CNTNAP3B: variants seen among roughly 807,000 people sequenced by gnomAD.
CNTNAP3B encodes the protein contactin-associated protein-like 3B.
In CNTNAP3B, 25 loss-of-function variants were observed where a neutral mutation model predicts 108.9. The ratio of observed to expected loss-of-function variants is 0.23; its 90% CI spans 0.17 to 0.32. The LOEUF (loss-of-function observed/expected upper bound fraction) is 0.32, where lower values mean the gene tolerates loss of function less well. Among genes scored for constraint, CNTNAP3B ranks in the 10% least tolerant of loss-of-function variants. The probability of loss-of-function intolerance (pLI) is 1.00; values close to 1 mark genes in which losing one functional copy is unlikely to be tolerated. For missense variants in CNTNAP3B, 252 were observed against 1,210.4 expected (o/e 0.21, Z 11.75); for synonymous variants, 103 against 473.4 (o/e 0.22, Z 10.16).
intron 13 of CNTNAP3B, among the ~76,000 whole-genome samples, chr9:41,941,307 G>C (rs1291370072): frequency 6.9e-6 from 1 of 145,288 alleles, no homozygotes; most frequent in Non-Finnish European, 1.5e-5. Flanking sequence ...AAATTTATAA[G>C]AAACTCACTT....
At position 41,994,526 on chromosome 9, in the gene CNTNAP3B, G is replaced by A. The variant is rs1436056527; in HGVS notation, c.1071+1679C>T. 3 of 132,126 alleles carry A rather than the reference G, an allele frequency of 2.3e-5. 1 individual carries two copies. Among genetic ancestry groups the A allele is most frequent in the Non-Finnish European group, 4.2e-5 (3 of 72,240 alleles). The allele number at this position is 132,126 out of a possible 1,614,324, so 8.2% of individuals were successfully genotyped here. A position where few individuals can be genotyped will look rare whatever the true frequency, so the allele number is the denominator to read the frequency against. ...CCTTGTTATCACTCTTCCCTTTGGT[G>A]TTTCCTTTTTCATGTATCTTGATGG... On this transcript the variant is annotated intron_variant, in intron 7 of 23. Transcript: ENST00000377561.
At position 42,116,683 on chromosome 9, in the gene CNTNAP3B, T is replaced by G. The variant is rs532482459; in HGVS notation, c.86-11944A>C. Among the ~76,000 whole-genome samples the G allele has an allele frequency of 1.2e-4, 17 of 139,830 alleles. 3 individuals carry two copies. The highest frequency in any genetic ancestry group is 2.5e-4 in the Non-Finnish European group (16 of 65,112). 91.7% of individuals were successfully genotyped at this position (139,830 alleles called of 152,430 possible). On this transcript the variant is annotated intron_variant, in intron 1 of 23. Transcript: ENST00000377561. ...AATTCACACATAACAATATTAACCT[T>G]AAATGTAAATAGGCTAAATCCTCCA...
chr9:41,956,433 G>A (rs1286765826), intron 12 of CNTNAP3B, among the ~76,000 whole-genome samples: 3 of 152,264 alleles, frequency 2.0e-5, no homozygotes, highest in African/African-American at 4.8e-5. Context: ...ACTTGAAATA[G>A]GGATGCATAT....
At chr9:42,099,443 C>G (rs1564195454) in intron 2 of CNTNAP3B, among the ~76,000 whole-genome samples, 2 of 135,006 alleles carry the variant, frequency 1.5e-5, no homozygotes, top group Non-Finnish European at 3.1e-5. Flanking sequence ...ACATAAGACA[C>G]TTCTTCGGTT....
chr9:42,058,188 T>C (rs776410226), intron 3 of CNTNAP3B, among the ~76,000 whole-genome samples: 25,280 of 132,382 alleles, frequency 0.19, 340 homozygotes, highest in Middle Eastern at 0.25. Flanking sequence ...TGTACAGATA[T>C]CTAAAAGACA....
chr9:41,944,611 A>G (rs1269834243), intron 13 of CNTNAP3B, among the ~76,000 whole-genome samples: 1 of 152,056 alleles, frequency 6.6e-6, no homozygotes, highest in Non-Finnish European at 1.5e-5. Context: ...AAAATGTGAG[A>G]GGGGAATTCA....
At chr9:42,077,448 A>T (rs1564190485) in intron 2 of CNTNAP3B, among the ~76,000 whole-genome samples, 1 of 137,332 alleles carries the variant, frequency 7.3e-6, no homozygotes, top group South Asian at 2.4e-4. Context: ...AAAGAAAGAC[A>T]GTTAATATAT....
intron 1 of CNTNAP3B, among the ~76,000 whole-genome samples, chr9:42,107,553 G>C (rs1299030068): frequency 8.1e-6 from 1 of 123,742 alleles, no homozygotes; most frequent in Admixed American, 8.3e-5. Context: ...AAGACAGCTG[G>C]AAACAAAATT....
At chr9:41,930,062 G>T (rs1823931913) in intron 14 of CNTNAP3B, among the ~76,000 whole-genome samples, 1 of 152,290 alleles carries the variant, frequency 6.6e-6, no homozygotes, top group African/African-American at 2.4e-5. Context: ...TCATTTTGCA[G>T]AATATTAATT....
At chr9:42,017,091 A>G (rs1371965605) in intron 3 of CNTNAP3B, among the ~76,000 whole-genome samples, 1 of 146,728 alleles carries the variant, frequency 6.8e-6, no homozygotes, top group Non-Finnish European at 1.5e-5. Context: ...CCTTAGGTAT[A>G]CATGAAAGTG....
chr9:42,107,967 T>C (rs1828114526), intron 1 of CNTNAP3B, among the ~76,000 whole-genome samples: 2 of 94,192 alleles, frequency 2.1e-5, no homozygotes, highest in African/African-American at 4.3e-5. Context: ...AGAGAAAGAC[T>C]CCGTCTTAAA....
chr9:41,932,245 T>C (rs1823998995), intron 14 of CNTNAP3B, among the ~76,000 whole-genome samples: 1 of 152,082 alleles, frequency 6.6e-6, no homozygotes, highest in African/African-American at 2.4e-5. Flanking sequence ...CTTTCATAGG[T>C]ACCATAATCT....
At chr9:42,055,034 T>A (rs1246935704) in intron 3 of CNTNAP3B, among the ~76,000 whole-genome samples, 2 of 141,504 alleles carry the variant, frequency 1.4e-5, no homozygotes, top group African/African-American at 5.5e-5. Flanking sequence ...AGGTTTTATA[T>A]CAGTATACTG....
intron 3 of CNTNAP3B, among the ~76,000 whole-genome samples, chr9:42,054,494 G>A (rs1265542491): frequency 1.3e-5 from 2 of 151,808 alleles, no homozygotes; most frequent in Non-Finnish European, 2.9e-5. Context: ...AATCGAAGGT[G>A]AGGAAGCTCA....
chr9:41,929,339 C>T lies in CNTNAP3B; in HGVS notation c.2343G>A (p.Gly781=), dbSNP rs777349643. The change falls in exon 15 of 24, where the codon GGG becomes GGA. Residue 781 remains glycine (G), a synonymous_variant. Transcript: ENST00000377561. The part of the protein sequence containing the change: ...QPHSEADYTL[G]PLLCRGDKSF... ...TACTATCTCCGCGGCAGAGCAGTGG[C>T]CCCAGTGTATAATCTGCTTCGGAAT... The T allele has an allele frequency of 4.9e-5, 76 of 1,543,280 alleles. 9 individuals carry two copies. The South Asian group carries it at 8.4e-4, about 17-fold the overall frequency.
intron 15 of CNTNAP3B, among the ~76,000 whole-genome samples, chr9:41,927,547 G>T (rs1588044457): frequency 6.6e-6 from 1 of 150,524 alleles, no homozygotes; most frequent in African/African-American, 2.4e-5. Flanking sequence ...AAGAGGGAGG[G>T]AGGGAGGGAG....
At chr9:41,924,492 G>A (rs919174341) in intron 15 of CNTNAP3B, among the ~76,000 whole-genome samples, 1 of 152,300 alleles carries the variant, frequency 6.6e-6, no homozygotes. Flanking sequence ...TAACTGGGAA[G>A]GGAAATAATT....
In CNTNAP3B at chr9:42,129,314, G is replaced by C. The variant is rs1158904323; in HGVS notation, c.-220C>G. The C allele has an allele frequency of 7.9e-6, 4 of 507,178 alleles. 1 individual carries two copies. In the African/African-American group the frequency reaches 1.2e-4, roughly 15 times the overall value. 31.4% of individuals were successfully genotyped at this position (507,178 alleles called of 1,614,324 possible). A position where few individuals can be genotyped will look rare whatever the true frequency, so the allele number is the denominator to read the frequency against. ...GCCCGGCCCCAGCTGCGTCTCCGAGGTCGGCCCCGCGGGAGCCTGGGGGCC... is the reference window on the plus strand; with the variant it reads ...GCCCGGCCCCAGCTGCGTCTCCGAGCTCGGCCCCGCGGGAGCCTGGGGGCC... On this transcript the variant is annotated 5_prime_UTR_variant, in exon 1 of 24. Coordinates refer to ENST00000377561, the MANE Select transcript of CNTNAP3B (RefSeq NM_001201380.3).
intron 13 of CNTNAP3B, among the ~76,000 whole-genome samples, chr9:41,950,938 G>C (rs1230507411): frequency 6.8e-6 from 1 of 146,370 alleles, no homozygotes; most frequent in East Asian, 2.1e-4. Flanking sequence ...TGTATTTTTA[G>C]TAGAGACGGG....
Sources: allele counts gnomAD v4.1 joint callset (sites outside exome capture counted in the v4.1 genomes callset), GRCh38; gene constraint gnomAD v4.1.1; transcripts MANE v1.5; gene names NCBI Gene and HGNC (gene_info 2026-07-23, HGNC 2026-07-21).